CDK15: variants seen among roughly 807,000 people sequenced by gnomAD.
CDK15 encodes the protein cyclin dependent kinase 15.
CDK15 carries 62 observed loss-of-function variants against 60.3 expected under a neutral mutation model. That is an observed-to-expected ratio of 1.03 (90% CI 0.84 to 1.27). The LOEUF (loss-of-function observed/expected upper bound fraction) is 1.27. CDK15 is among the 50% of genes most tolerant of loss of function. The probability of loss-of-function intolerance (pLI) is 0.00; values close to 1 mark genes in which losing one functional copy is unlikely to be tolerated. For synonymous variants in CDK15, 194 were observed against 195.7 expected, an observed-to-expected ratio of 0.99 and a Z score of 0.07; for missense variants, 541 against 527.8, an observed-to-expected ratio of 1.03 and a Z score of -0.25.
At chr2:201,815,482 A>G (rs1365308912) in intron 4 of CDK15, among the ~76,000 whole-genome samples, 1 of 152,186 alleles carries the variant, frequency 6.6e-6, no homozygotes, top group Non-Finnish European at 1.5e-5. Flanking sequence ...TTCCTTTGCT[A>G]ATTAAGAAAA....
At chr2:201,836,580 T>C (rs1241127478) in intron 8 of CDK15, among the ~76,000 whole-genome samples, 9 of 151,800 alleles carry the variant, frequency 5.9e-5, no homozygotes, top group Admixed American at 5.9e-4. Context: ...GCTGCACCAC[T>C]GCACCCTGGC....
In CDK15 at chr2:201,894,445, G is replaced by A. The variant is rs545720164; in HGVS notation, c.*1178G>A. On this transcript the variant is annotated 3_prime_UTR_variant, in exon 14 of 14. Transcript: ENST00000652192. ...GACTGTCCAGCTATACCTGAAAGAT[G>A]AAACAGTGTAGGCTGGGTGATGGAG... 15 of 152,324 alleles carry A rather than the reference G, an allele frequency of 9.8e-5. No individual in the cohort carries two copies. In the South Asian group the frequency reaches 3.1e-3, roughly 32 times the overall value. 9.4% of individuals were successfully genotyped at this position (152,324 alleles called of 1,614,324 possible).
At chr2:201,839,744 C>T (rs1319622655) in intron 8 of CDK15, among the ~76,000 whole-genome samples, 1 of 151,996 alleles carries the variant, frequency 6.6e-6, no homozygotes, top group Non-Finnish European at 1.5e-5. Context: ...ATGGATGAAC[C>T]TGTTTGGAGG....
At chr2:201,884,532 C>T (rs890078150) in intron 12 of CDK15, among the ~76,000 whole-genome samples, 6 of 152,024 alleles carry the variant, frequency 3.9e-5, no homozygotes, top group African/African-American at 1.4e-4. Context: ...TGTTTTGGTT[C>T]AATAAAATAA....
Position 201,817,606 on chromosome 2 carries a change from T to C in CDK15, c.448+5044T>C, listed in dbSNP as rs377356409. 4.1e-4 allele frequency among the ~76,000 whole-genome samples: 62 copies of C among 152,296 alleles called. No homozygotes were observed. The South Asian group carries it at 0.013, about 31-fold the overall frequency. ...ACAAAGTAATGATTCCCAATCCATA[T>C]ATGAGAAAACTGAGCCAAAAATAGG... On this transcript the variant is annotated intron_variant, in intron 4 of 13. Coordinates refer to ENST00000652192, the MANE Select transcript of CDK15 (RefSeq NM_001366386.2).
At chr2:201,840,025 C>G (rs903037162) in intron 8 of CDK15, among the ~76,000 whole-genome samples, 2 of 151,472 alleles carry the variant, frequency 1.3e-5, no homozygotes, top group African/African-American at 2.4e-5. Context: ...CACTCTGTCT[C>G]CATGCCTGGA....
At chr2:201,839,647 T>A (rs1356965232) in intron 8 of CDK15, among the ~76,000 whole-genome samples, 1 of 148,784 alleles carries the variant, frequency 6.7e-6, no homozygotes, top group African/African-American at 2.5e-5. Flanking sequence ...TACTCCCTAA[T>A]GTTTCAGAAA....
chr2:201,879,682 G>T (rs1699204777), intron 11 of CDK15, among the ~76,000 whole-genome samples: 1 of 152,042 alleles, frequency 6.6e-6, no homozygotes, highest in Non-Finnish European at 1.5e-5. Flanking sequence ...TACTTGGTTG[G>T]GGCTGCAGTG....
chr2:201,881,056 G>C (rs1380138277), intron 12 of CDK15, among the ~76,000 whole-genome samples: 1 of 152,150 alleles, frequency 6.6e-6, no homozygotes, highest in African/African-American at 2.4e-5. Flanking sequence ...GAACTGCGAT[G>C]AGGACACTGG....
Position 201,879,056 on chromosome 2 carries a change from C to T in CDK15, c.1059-972C>T, listed in dbSNP as rs114020999. On this transcript the variant is annotated intron_variant, in intron 11 of 13. Transcript: ENST00000652192. ...AGAAGACAGTCTTGTCCTGTGTCTC[C>T]CAAAGCCAACCACTTACTAGCACAT... Among the ~76,000 whole-genome samples the T allele has an allele frequency of 6.5e-3, 989 of 152,278 alleles. 4 individuals carry two copies. Among genetic ancestry groups the T allele is most frequent in the African/African-American group, 0.023 (942 of 41,558 alleles).
chr2:201,822,855 T>C lies in CDK15; in HGVS notation c.495T>C (p.His165=), dbSNP rs780384158. 3 of 1,613,512 alleles carry C rather than the reference T, an allele frequency of 1.9e-6. No homozygotes were observed. The East Asian group carries it at 6.7e-5, about 36-fold the overall frequency. The change falls in exon 5 of 14, where the codon CAT becomes CAC. Residue 165 remains histidine, a synonymous_variant. Coordinates refer to ENST00000652192, the MANE Select transcript of CDK15 (RefSeq NM_001366386.2). ...GLKHANIVLL[H]DIIHTKETLT... ...AACATGCCAATATTGTGCTCCTGCA[T>C]GACATAATCCACACCAAAGAGACAC...
chr2:201,889,820 C>CAGGTGGATCACCTGAGGT (rs1408102715), intron 12 of CDK15, among the ~76,000 whole-genome samples: 1 of 151,994 alleles, frequency 6.6e-6, no homozygotes, highest in Non-Finnish European at 1.5e-5. Context: ...GAGGCTGAGG[C>CAGGTGGATCACCTGAGGT]AGGTGGATCA....
rs911971668 is a variant in CDK15, at chr2:201,895,209, T to G, written c.*1942T>G. ...AGGTTAGAAGAGCTGACCTCCAATG[T>G]CCCGTCTAATTCCAAGATTCTCCAA... On this transcript the variant is annotated 3_prime_UTR_variant, in exon 14 of 14. Transcript: ENST00000652192. The G allele has an allele frequency of 6.6e-6, 1 of 152,164 alleles. No individual in the cohort carries two copies. Among genetic ancestry groups the G allele is most frequent in the African/African-American group, 2.4e-5 (1 of 41,448 alleles). 9.4% of individuals were successfully genotyped at this position (152,164 alleles called of 1,614,324 possible).
intron 7 of CDK15, 127 bp downstream of exon 7, chr2:201,834,098 ATC>A (rs1696901712): frequency 8.7e-7 from 1 of 1,151,772 alleles, no homozygotes; most frequent in Non-Finnish European, 1.2e-6. Flanking sequence ...TTGTGAGGAT[ATC>A]AAACTACCAC....
chr2:201,878,352 T>G (rs762446107), intron 11 of CDK15, among the ~76,000 whole-genome samples: 3 of 151,574 alleles, frequency 2.0e-5, no homozygotes, highest in Admixed American at 1.3e-4. Context: ...TGGCCTTGAT[T>G]CCCTTCTTAA....
At chr2:201,850,719 T>C (rs1345838121) in intron 9 of CDK15, among the ~76,000 whole-genome samples, 1 of 152,190 alleles carries the variant, frequency 6.6e-6, no homozygotes, top group Non-Finnish European at 1.5e-5. Context: ...CTCCATACCA[T>C]CTTCCATAAT....
At chr2:201,854,080 A>G (rs1249201913) in intron 9 of CDK15, among the ~76,000 whole-genome samples, 1 of 152,142 alleles carries the variant, frequency 6.6e-6, no homozygotes, top group African/African-American at 2.4e-5. Context: ...AGGCTGAGGC[A>G]GGAGAATGGT....
chr2:201,853,861 C>T (rs1034686857), intron 9 of CDK15, among the ~76,000 whole-genome samples: 6 of 152,092 alleles, frequency 3.9e-5, no homozygotes, highest in Admixed American at 2.0e-4. Flanking sequence ...AAAACTGGGG[C>T]TTTAAATTGG....
intron 12 of CDK15, among the ~76,000 whole-genome samples, chr2:201,886,921 A>G (rs1162478399): frequency 6.6e-6 from 1 of 152,170 alleles, no homozygotes; most frequent in Non-Finnish European, 1.5e-5. Context: ...ACTTTTGCAA[A>G]GTGTTATAGC....
Sources: allele counts gnomAD v4.1 joint callset (sites outside exome capture counted in the v4.1 genomes callset), GRCh38; gene constraint gnomAD v4.1.1; transcripts MANE v1.5; gene names NCBI Gene and HGNC (gene_info 2026-07-23, HGNC 2026-07-21).